Variants in MSTO1 observed in about 807,000 individuals in gnomAD.
MSTO1 encodes the protein protein misato homolog 1.
In MSTO1, 24 loss-of-function variants were observed where a neutral mutation model predicts 55.7. That is an observed-to-expected ratio of 0.43 (90% CI 0.31 to 0.61). MSTO1 has a LOEUF of 0.61. Ranked by LOEUF, MSTO1 falls within the 20% of genes least tolerant of loss-of-function variation. The pLI, the probability that MSTO1 is intolerant of heterozygous loss-of-function variation, is 0.09. For missense variants in MSTO1, 363 were observed against 625.7 expected (o/e 0.58, Z 4.48); for synonymous variants, 162 against 252.8 (o/e 0.64, Z 3.41).
the MSTO1 span, among the ~76,000 whole-genome samples, chr1:155,584,023 A>G: frequency 6.6e-6 from 1 of 152,158 alleles, no homozygotes; most frequent in South Asian, 2.1e-4. Flanking sequence ...GGCGTGTGGA[A>G]GCATGTCATA....
At chr1:155,604,283 C>G in the MSTO1 span, among the ~76,000 whole-genome samples, 11 of 152,128 alleles carry the variant, frequency 7.2e-5, no homozygotes, top group Non-Finnish European at 1.3e-4. Flanking sequence ...AATGTACTTT[C>G]TTTTCAAGCA....
the MSTO1 span, among the ~76,000 whole-genome samples, chr1:155,591,785 C>T: frequency 1.2e-4 from 18 of 150,434 alleles, no homozygotes; most frequent in African/African-American, 2.9e-4. Flanking sequence ...AGCGAAACTC[C>T]GTCTCAAAAA....
chr1:155,591,958 C>T, the MSTO1 span, among the ~76,000 whole-genome samples: 1 of 152,074 alleles, frequency 6.6e-6, no homozygotes, highest in Non-Finnish European at 1.5e-5. Context: ...AAAAGTATAA[C>T]AAAAATTTCA....
At chr1:155,566,862 G>A in the MSTO1 span, among the ~76,000 whole-genome samples, 3 of 152,038 alleles carry the variant, frequency 2.0e-5, no homozygotes, top group Admixed American at 6.6e-5. Context: ...TGATCCGCCC[G>A]TCTCGGCCTC....
At chr1:155,597,867 A>C in the MSTO1 span, among the ~76,000 whole-genome samples, 1 of 149,772 alleles carries the variant, frequency 6.7e-6, no homozygotes, top group Non-Finnish European at 1.5e-5. Flanking sequence ...CCCAGGCTGG[A>C]GTGCCGTGGC....
At chr1:155,602,576 A>G in the MSTO1 span, among the ~76,000 whole-genome samples, 1 of 152,192 alleles carries the variant, frequency 6.6e-6, no homozygotes, top group Non-Finnish European at 1.5e-5. Flanking sequence ...TAGTCTTTAT[A>G]TGGATTCTGT....
At chr1:155,596,909 C>G in the MSTO1 span, among the ~76,000 whole-genome samples, 1 of 152,156 alleles carries the variant, frequency 6.6e-6, no homozygotes, top group Non-Finnish European at 1.5e-5. Context: ...TCAAGACCAA[C>G]CTGGGCAACA....
the MSTO1 span, among the ~76,000 whole-genome samples, chr1:155,594,560 C>A: frequency 6.6e-6 from 1 of 151,910 alleles, no homozygotes; most frequent in Non-Finnish European, 1.5e-5. Context: ...GTGGCCTTGT[C>A]ATGCTGAGGA....
chr1:155,586,800 C>A, the MSTO1 span: 1 of 332,238 alleles, frequency 3.0e-6, no homozygotes, highest in South Asian at 2.6e-5. Flanking sequence ...CTGGCTGGAG[C>A]GCAGTGGCGC....
chr1:155,582,523 G>A, the MSTO1 span, among the ~76,000 whole-genome samples: 7 of 151,800 alleles, frequency 4.6e-5, no homozygotes, highest in East Asian at 3.9e-4. Context: ...GCAGTGGCAC[G>A]ATCTCGGCTC....
upstream of MSTO1, among the ~76,000 whole-genome samples, chr1:155,607,322 G>A (rs962860398): frequency 2.0e-5 from 3 of 151,718 alleles, no homozygotes; most frequent in African/African-American, 4.8e-5. Context: ...TTACAGGCAC[G>A]TGCCACCACG....
upstream of MSTO1, among the ~76,000 whole-genome samples, chr1:155,605,269 A>G (rs929527478): frequency 6.6e-6 from 1 of 152,016 alleles, no homozygotes; most frequent in South Asian, 2.1e-4. Flanking sequence ...ACAAAACAAA[A>G]CAAAACAAAA....
At chr1:155,603,481 G>A in the MSTO1 span, among the ~76,000 whole-genome samples, 1 of 152,148 alleles carries the variant, frequency 6.6e-6, no homozygotes. Flanking sequence ...TCAGTAATTG[G>A]TAAAAGAGAT....
chr1:155,571,092 C>G, the MSTO1 span, among the ~76,000 whole-genome samples: 2 of 152,068 alleles, frequency 1.3e-5, no homozygotes, highest in Non-Finnish European at 2.9e-5. Flanking sequence ...TATGGGAGGC[C>G]AAAGTGGGAG....
At chr1:155,590,631 G>T in the MSTO1 span, 1 of 1,392,594 alleles carries the variant, frequency 7.2e-7, no homozygotes, top group Admixed American at 2.3e-5. Context: ...GGTACTCAGA[G>T]GTCCCCCGAG....
the MSTO1 span, among the ~76,000 whole-genome samples, chr1:155,572,365 A>G: frequency 6.6e-6 from 1 of 152,182 alleles, no homozygotes; most frequent in Non-Finnish European, 1.5e-5. Flanking sequence ...ATGAGGAATC[A>G]GTCTGGGTTT....
In MSTO1 at chr1:155,613,196, G is replaced by A; in HGVS notation, c.1246G>A (p.Val416Met). ...PSGTRCFAQS[V>M]VLRGIDRACH... ...TGGAACACGTTGCTTTGCCCAGTCA[G>A]TGGTGCTGAGGGGTATAGACAGAGC... The change falls in exon 11 of 14, where the codon GTG becomes ATG. Residue 416 changes from valine (V) to methionine (M), a missense_variant. Coordinates refer to ENST00000245564, the MANE Select transcript of MSTO1 (RefSeq NM_018116.4). 1.2e-6 allele frequency: 2 copies of A among 1,614,168 alleles called. No individual in the cohort carries two copies. The highest frequency in any genetic ancestry group is 1.7e-6 in the Non-Finnish European group (2 of 1,180,034).
chr1:155,609,244 T>TATATATATATATATATATATATATA (rs1553289697), upstream of MSTO1, among the ~76,000 whole-genome samples: 6 of 15,082 alleles, frequency 4.0e-4, no homozygotes, highest in African/African-American at 7.6e-4. Context: ...TATATATATA[T>TATATATATATATATATATATATATA]TTTTTTTTTT....
At chr1:155,598,796 C>A in the MSTO1 span, 1 of 1,111,076 alleles carries the variant, frequency 9.0e-7, no homozygotes, top group Non-Finnish European at 1.4e-6. Flanking sequence ...CTTGTAGTCA[C>A]GTTTTCTTTA....
Sources: gnomAD v4.1 joint callset for allele counts (sites outside exome capture counted in the v4.1 genomes callset) on GRCh38, gnomAD v4.1.1 for gene constraint, MANE v1.5 for transcripts, NCBI Gene and HGNC (gene_info 2026-07-23, HGNC 2026-07-21) for gene names.